The following ZNF91 variants were observed in gnomAD, a reference collection of about 807,000 sequenced individuals.
ZNF91 encodes zinc finger protein 91 (HPF7, HTF10).
In ZNF91, 7 loss-of-function variants were observed where a neutral mutation model predicts 12.6. That is an observed-to-expected ratio of 0.55 (90% confidence interval 0.31 to 1.04). ZNF91 has a LOEUF of 1.04. Among genes scored for constraint, ZNF91 ranks in the 50% least tolerant of loss-of-function variants. ZNF91 has a pLI of 0.05. For missense variants in ZNF91, 1,217 were observed against 1,385.4 expected (o/e 0.88, Z 1.93); for synonymous variants, 453 against 462.6 (o/e 0.98, Z 0.27).
exon 4 of ZNF91, chr19:23,338,953 G>T (rs952220773): frequency 1.1e-4 from 17 of 151,862 alleles, no homozygotes; most frequent in African/African-American, 3.9e-4. Context: ...TCAGGAGGCT[G>T]AGACAGGAGA....
chr19:23,314,005 G>A (rs1373719616), upstream of ZNF91, among the ~76,000 whole-genome samples: 1 of 152,152 alleles, frequency 6.6e-6, no homozygotes, highest in Non-Finnish European at 1.5e-5. Flanking sequence ...CTTCTGCCAA[G>A]TACCTGAGTG....
chr19:23,370,487 C>T (rs1490536141), intron 3 of ZNF91, among the ~76,000 whole-genome samples: 2 of 152,086 alleles, frequency 1.3e-5, no homozygotes, highest in African/African-American at 4.8e-5. Flanking sequence ...TTAATATTAA[C>T]AGGCCTGAAA....
intron 1 of ZNF91, among the ~76,000 whole-genome samples, chr19:23,330,346 AAAG>A (rs1331480729): frequency 2.0e-5 from 3 of 151,922 alleles, no homozygotes; most frequent in African/African-American, 2.4e-5. Flanking sequence ...AAAAAAAAAA[AAAG>A]AAAGAAAGTC....
At chr19:23,341,808 G>C (rs972989904) in intron 3 of ZNF91, among the ~76,000 whole-genome samples, 2 of 152,076 alleles carry the variant, frequency 1.3e-5, no homozygotes, top group South Asian at 2.1e-4. Context: ...TTTCAGACAT[G>C]ATGGGAAAAG....
At chr19:23,340,418 C>T (rs1033715503) in intron 3 of ZNF91, among the ~76,000 whole-genome samples, 1 of 151,926 alleles carries the variant, frequency 6.6e-6, no homozygotes, top group Non-Finnish European at 1.5e-5. Context: ...ACTCACAAAC[C>T]TGAAAACCTA....
At position 23,359,751 on chromosome 19, in the gene ZNF91, T is replaced by G. The variant is rs552422947; in HGVS notation, c.3228A>C (p.Lys1076Asn). The G allele has an allele frequency of 6.2e-7, 1 of 1,613,942 alleles. No individual in the cohort carries two copies. Among genetic ancestry groups the G allele is most frequent in the Non-Finnish European group, 8.5e-7 (1 of 1,179,986 alleles). ...TGCCACATTCTTCACATTTGTAGGG[T>G]TTCTCTCTAGTATGAATTCTCTTAT... ...NGHKRIHTRE[K>N]PYKCEECGKA... The change falls in exon 4 of 4, where the codon AAA (lysine) becomes AAC (asparagine). Residue 1076 changes from lysine (K) to asparagine (N), a missense_variant. By Grantham distance (94) the Lys-to-Asn change is moderately conservative. Coordinates refer to ENST00000300619, the MANE Select transcript of ZNF91 (RefSeq NM_003430.4).
At chr19:23,377,902 A>C (rs1285881518) in intron 1 of ZNF91, among the ~76,000 whole-genome samples, 2 of 152,208 alleles carry the variant, frequency 1.3e-5, no homozygotes, top group Non-Finnish European at 2.9e-5. Flanking sequence ...AGTGTTGAAT[A>C]ATCCCAAGGA....
upstream of ZNF91, among the ~76,000 whole-genome samples, chr19:23,312,326 C>T (rs566553207): frequency 6.6e-6 from 1 of 152,166 alleles, no homozygotes; most frequent in Non-Finnish European, 1.5e-5. Flanking sequence ...ACTCTCATAA[C>T]TTGAGCCAGC....
At chr19:23,373,253 T>C (rs1969353110) in intron 3 of ZNF91, among the ~76,000 whole-genome samples, 1 of 151,296 alleles carries the variant, frequency 6.6e-6, no homozygotes, top group Non-Finnish European at 1.5e-5. Flanking sequence ...GCACTCAAAG[T>C]ATGTGGAAGA....
intron 1 of ZNF91, among the ~76,000 whole-genome samples, chr19:23,316,338 CT>C (rs1967560253): frequency 6.6e-6 from 1 of 152,166 alleles, no homozygotes; most frequent in African/African-American, 2.4e-5. Context: ...TCCCTGAACC[CT>C]GCTTACAGGG....
chr19:23,345,001 C>A (rs1425561455), intron 3 of ZNF91, among the ~76,000 whole-genome samples: 2 of 152,170 alleles, frequency 1.3e-5, no homozygotes, highest in Admixed American at 6.5e-5. Context: ...TCCTGGGAGC[C>A]CAGTTAACAG....
downstream of ZNF91, among the ~76,000 whole-genome samples, chr19:23,354,035 T>G (rs1281851309): frequency 6.6e-6 from 1 of 152,104 alleles, no homozygotes; most frequent in Admixed American, 6.6e-5. Flanking sequence ...TACTACCAAT[T>G]CTTTTGACAC....
rs1968571284 is a variant in ZNF91, at chr19:23,358,736, T to A, written c.*667A>T. ...CCAGTATGAATTATCTTACCTACGA[T>A]CAAGTGTGACAATCATTTAGAGGCT... On this transcript the variant is annotated 3_prime_UTR_variant, in exon 4 of 4. Transcript: ENST00000300619. 6.2e-6 allele frequency: 1 copy of A among 160,986 alleles called. No homozygotes were observed. The highest frequency in any genetic ancestry group is 1.8e-4 in the South Asian group (1 of 5,458). 10.0% of individuals were successfully genotyped at this position (160,986 alleles called of 1,614,324 possible). A position where few individuals can be genotyped will look rare whatever the true frequency, so the allele number is the denominator to read the frequency against.
intron 1 of ZNF91, among the ~76,000 whole-genome samples, chr19:23,378,814 C>G (rs370329066): frequency 6.6e-6 from 1 of 152,112 alleles, no homozygotes; most frequent in Non-Finnish European, 1.5e-5. Flanking sequence ...ACTAAAAGTT[C>G]TTGCATGGTA....
At chr19:23,388,740 G>T (rs1969961263) in intron 1 of ZNF91, among the ~76,000 whole-genome samples, 1 of 152,136 alleles carries the variant, frequency 6.6e-6, no homozygotes. Flanking sequence ...AGGCATGGTG[G>T]TGGGCACCTG....
chr19:23,333,901 C>T (rs1967963671), downstream of ZNF91, among the ~76,000 whole-genome samples: 1 of 152,154 alleles, frequency 6.6e-6, no homozygotes, highest in Non-Finnish European at 1.5e-5. Context: ...ATATCACTTT[C>T]AGCAAGCTTG....
intron 1 of ZNF91, among the ~76,000 whole-genome samples, chr19:23,377,466 T>G (rs546699762): frequency 4.9e-4 from 75 of 152,334 alleles, no homozygotes; most frequent in African/African-American, 1.8e-3. Context: ...CTTGGTAAAC[T>G]TGGCCCCACT....
intron 1 of ZNF91, among the ~76,000 whole-genome samples, chr19:23,330,323 T>G (rs373746773): frequency 1.3e-5 from 2 of 150,720 alleles, no homozygotes; most frequent in East Asian, 4.0e-4. Context: ...AGAGCCAGAC[T>G]TCGTCTCAAA....
At chr19:23,391,075 T>C (rs1206247127) in intron 1 of ZNF91, among the ~76,000 whole-genome samples, 1 of 152,364 alleles carries the variant, frequency 6.6e-6, no homozygotes, top group African/African-American at 2.4e-5. Flanking sequence ...TGTGAGAAAT[T>C]GCCACACTGC....
Sources: allele counts gnomAD v4.1 joint callset (sites outside exome capture counted in the v4.1 genomes callset), GRCh38; gene constraint gnomAD v4.1.1; transcripts MANE v1.5; gene names NCBI Gene and HGNC (gene_info 2026-07-23, HGNC 2026-07-21).